Variants in CCAR1 observed in about 807,000 individuals in gnomAD.
The protein encoded by CCAR1 is cell division cycle and apoptosis regulator protein 1.
A neutral mutation model predicts 163.8 loss-of-function variants in CCAR1; 78 were observed. The ratio of observed to expected loss-of-function variants is 0.48; its 90% CI spans 0.40 to 0.57. The LOEUF is 0.57. Among genes scored for constraint, CCAR1 ranks in the 20% least tolerant of loss-of-function variants. CCAR1 has a pLI of 0.00. For synonymous variants in CCAR1, 443 were observed against 460.7 expected (o/e 0.96, Z 0.49); for missense variants, 1,019 against 1,365.2 (o/e 0.75, Z 4.00).
In CCAR1 at chr10:68,747,571, C is replaced by G. The variant is rs947619247; in HGVS notation, c.826+5C>G. 1.2e-6 allele frequency: 2 copies of G among 1,606,782 alleles called. No individual in the cohort carries two copies. Among genetic ancestry groups the G allele is most frequent in the African/African-American group, 2.7e-5 (2 of 74,746 alleles). ...TACAGCAGCCTCAGCAAAAAGGTAT[C>G]TTTGCTTTTGTTTCAGGCAAATGTA... On this transcript the variant is annotated splice_donor_5th_base_variant and intron_variant, in intron 8 of 24. Transcript: ENST00000265872.
intron 16 of CCAR1, among the ~76,000 whole-genome samples, chr10:68,764,539 CA>C (rs959153999): frequency 0.023 from 3,202 of 141,164 alleles, 104 homozygotes; most frequent in African/African-American, 0.074. Context: ...TGTCTCAAAA[CA>C]AAAAAAAAAA....
intron 6 of CCAR1, among the ~76,000 whole-genome samples, chr10:68,745,207 C>T (rs755022805): frequency 6.2e-4 from 94 of 152,064 alleles, no homozygotes; most frequent in Admixed American, 1.4e-3. Flanking sequence ...AGGGTTTCAC[C>T]GTGTTGGTCA....
At chr10:68,752,888 A>G (rs2056349720) in intron 10 of CCAR1, among the ~76,000 whole-genome samples, 1 of 29,680 alleles carries the variant, frequency 3.4e-5, no homozygotes, top group Admixed American at 3.7e-4. Flanking sequence ...GATAGAATAG[A>G]TAGATAGATA....
At chr10:68,782,422 T>TA (rs527243327) in intron 19 of CCAR1, among the ~76,000 whole-genome samples, 113 of 141,742 alleles carry the variant, frequency 8.0e-4, no homozygotes, top group South Asian at 7.2e-3. Context: ...TGGGGGCGGG[T>TA]AAAAAAAAAA....
chr10:68,775,687 C>CTTTT lies in CCAR1; in HGVS notation c.2650+2612_2650+2615dup, dbSNP rs71028782. Among the ~76,000 whole-genome samples, 109 of 51,748 alleles carry CTTTT rather than the reference C, an allele frequency of 2.1e-3. 8 individuals carry two copies. Among genetic ancestry groups the CTTTT allele is most frequent in the African/African-American group, 7.4e-3 (87 of 11,780 alleles). The allele number at this position is 51,748 out of a possible 152,430, so 33.9% of individuals were successfully genotyped here. On this transcript the variant is annotated intron_variant, in intron 19 of 24. Coordinates refer to ENST00000265872, the MANE Select transcript of CCAR1 (RefSeq NM_018237.4). ...ACCACGCCCAGCTAATTTTTCTTTTCTTTTTTTTTTTTTTTTTTTTTTTTT... is the reference window on the plus strand; with the variant it reads ...ACCACGCCCAGCTAATTTTTCTTTTCTTTTTTTTTTTTTTTTTTTTTTTTTTTTT...
chr10:68,761,634 C>T (rs1468086318), intron 16 of CCAR1, among the ~76,000 whole-genome samples: 1 of 150,046 alleles, frequency 6.7e-6, no homozygotes, highest in Admixed American at 6.7e-5. Context: ...TGGAGTTTCG[C>T]TCTTGTTGCC....
intron 10 of CCAR1, among the ~76,000 whole-genome samples, chr10:68,753,555 C>G (rs2056362358): frequency 6.6e-6 from 1 of 152,182 alleles, no homozygotes; most frequent in Non-Finnish European, 1.5e-5. Flanking sequence ...GGAAAACCTG[C>G]TTTTGTACAG....
At chr10:68,728,927 G>C (rs1378706876) in intron 2 of CCAR1, among the ~76,000 whole-genome samples, 1 of 151,694 alleles carries the variant, frequency 6.6e-6, no homozygotes, top group East Asian at 1.9e-4. Context: ...ACTCCAACCT[G>C]GGCGATAGAG....
chr10:68,779,303 C>T (rs1208460547), intron 19 of CCAR1, among the ~76,000 whole-genome samples: 1 of 151,730 alleles, frequency 6.6e-6, no homozygotes, highest in Non-Finnish European at 1.5e-5. Flanking sequence ...TGTCGCCCAG[C>T]CTGGAGTGTC....
Position 68,787,906 on chromosome 10 carries a change from GT to G in CCAR1, c.2881-18del. 6.3e-7 allele frequency: 1 copy of G among 1,576,308 alleles called. No homozygotes were observed. The highest frequency in any genetic ancestry group is 8.6e-7 in the Non-Finnish European group (1 of 1,165,028). ...AAATGTATTTTCATCTCTGTATTTT[GT>G]TTACTTGCATGCATAACAGGTAAAG... On this transcript the variant is annotated intron_variant, in intron 21 of 24. Transcript: ENST00000265872.
intron 15 of CCAR1, 79 bp downstream of exon 15, chr10:68,757,456 C>T (rs2056409396): frequency 6.3e-6 from 5 of 789,014 alleles, no homozygotes; most frequent in Non-Finnish European, 1.1e-5. Context: ...GCTCTGTCGC[C>T]CAGGCTGGAG....
Position 68,757,343 on chromosome 10 carries a change from C to A in CCAR1, c.1886C>A (p.Thr629Asn). 1 of 1,587,694 alleles carries A rather than the reference C, an allele frequency of 6.3e-7. No homozygotes were observed. The highest frequency in any genetic ancestry group is 8.6e-7 in the Non-Finnish European group (1 of 1,156,680). The change falls in exon 15 of 25, where the codon ACC becomes AAC. Residue 629 changes from threonine to asparagine, a missense_variant. Coordinates refer to ENST00000265872, the MANE Select transcript of CCAR1 (RefSeq NM_018237.4). The stretch of plus-strand genomic sequence containing the variant: ...GAAGCTAAAGAAATTTCTACACCTA[C>A]CCATTGGTCTAAACTTGATCCAAAG... The part of the protein sequence containing the change: ...DGEAKEISTP[T>N]HWSKLDPKTM...
chr10:68,778,470 T>C (rs973229149), intron 19 of CCAR1, among the ~76,000 whole-genome samples: 2 of 152,064 alleles, frequency 1.3e-5, no homozygotes, highest in African/African-American at 4.8e-5. Flanking sequence ...GCCCCCTACT[T>C]TATTTAAAAT....
chr10:68,753,094 T>TTAGTTGTCTTTCAAAAAGACAATG (rs71028776), intron 10 of CCAR1, among the ~76,000 whole-genome samples: 1 of 151,564 alleles, frequency 6.6e-6, no homozygotes, highest in African/African-American at 2.4e-5. Flanking sequence ...ACTTCTGCTT[T>TTAGTTGTCTTTCAAAAAGACAATG]TAGTTGTCTT....
chr10:68,759,443 T>G (rs2056440776), intron 15 of CCAR1: 1 of 153,890 alleles, frequency 6.5e-6, no homozygotes, highest in African/African-American at 2.4e-5. Context: ...TGTGTAAGGT[T>G]GCAGCTGGGC....
Position 68,777,659 on chromosome 10 carries a change from G to A in CCAR1, c.2650+4560G>A, listed in dbSNP as rs980896652. On this transcript the variant is annotated intron_variant, in intron 19 of 24. Coordinates refer to ENST00000265872, the MANE Select transcript of CCAR1 (RefSeq NM_018237.4). ...AGATTGCACTACTGCACTCCAGCCT[G>A]GGTGACAGAGCAAGACTCCGTCTCA... is the stretch of plus-strand genomic sequence containing the variant. Among the ~76,000 whole-genome samples the A allele has an allele frequency of 7.9e-5, 12 of 151,362 alleles. No individual in the cohort carries two copies. The South Asian group carries it at 1.7e-3, about 21-fold the overall frequency.
intron 2 of CCAR1, among the ~76,000 whole-genome samples, chr10:68,726,250 C>T (rs1380273773): frequency 2.0e-5 from 3 of 150,670 alleles, no homozygotes; most frequent in Non-Finnish European, 2.9e-5. Context: ...CTCCTGGGTT[C>T]AAGCGATTCT....
chr10:68,749,324 A>C, intron 9 of CCAR1, 59 bp downstream of exon 9: 1 of 1,482,178 alleles, frequency 6.7e-7, no homozygotes, highest in Non-Finnish European at 9.1e-7. Context: ...ATGGAAACAT[A>C]GTTAATGCCA....
chr10:68,753,379 G>A (rs1288191985), intron 10 of CCAR1, among the ~76,000 whole-genome samples: 4 of 152,180 alleles, frequency 2.6e-5, no homozygotes, highest in Admixed American at 6.5e-5. Flanking sequence ...AATTTTGAAT[G>A]TAAGTATGCT....
Sources: gnomAD v4.1 joint callset for allele counts (sites outside exome capture counted in the v4.1 genomes callset) on GRCh38, gnomAD v4.1.1 for gene constraint, MANE v1.5 for transcripts, NCBI Gene and HGNC (gene_info 2026-07-23, HGNC 2026-07-21) for gene names.